CAGE1: variants seen among roughly 807,000 people sequenced by gnomAD.
The protein encoded by CAGE1 is cancer antigen 1, also known as cancer-associated gene 1 protein.
A neutral mutation model predicts 94.9 loss-of-function variants in CAGE1; 66 were observed. The observed-to-expected ratio is 0.70, with a 90% CI of 0.57 to 0.85. CAGE1 has a LOEUF of 0.85. Among genes scored for constraint, CAGE1 ranks in the 40% least tolerant of loss-of-function variants. CAGE1 has a pLI of 0.00. For synonymous variants in CAGE1, 319 were observed against 321.0 expected (o/e 0.99, Z 0.07); for missense variants, 865 against 950.4 (o/e 0.91, Z 1.18).
intron 11 of CAGE1, chr6:7,338,701 A>G: frequency 1.6e-6 from 1 of 626,076 alleles, no homozygotes; most frequent in Admixed American, 2.6e-5. Context: ...TTTATCCCTC[A>G]CCCCCTTCCA....
rs59990182 is a variant in CAGE1 at position 7,353,696 on chromosome 6, T to TACAC, written c.2369+1341_2369+1344dup. On this transcript the variant is annotated intron_variant, in intron 11 of 13. Coordinates refer to ENST00000502583, the MANE Select transcript of CAGE1 (RefSeq NM_001170692.2). ...TAAAGAAACTGTTATTATATATATG[T>TACAC]ACACACACACACACACACACACACA... is the stretch of plus-strand genomic sequence containing the variant. Among the ~76,000 whole-genome samples, 448 of 139,578 alleles carry TACAC rather than the reference T, an allele frequency of 3.2e-3. 1 individual carries two copies. The highest frequency in any genetic ancestry group is 7.1e-3 in the Middle Eastern group (2 of 282). The allele number at this position is 139,578 out of a possible 152,430, so 91.6% of individuals were successfully genotyped here.
chr6:7,353,337 C>T lies in CAGE1; in HGVS notation c.2369+1704G>A, dbSNP rs142470091. 6.0e-3 allele frequency among the ~76,000 whole-genome samples: 907 copies of T among 152,070 alleles called. 31 individuals carry two copies. Among genetic ancestry groups the T allele is most frequent in the Admixed American group, 0.046 (699 of 15,258 alleles). On this transcript the variant is annotated intron_variant, in intron 11 of 13. Coordinates refer to ENST00000502583, the MANE Select transcript of CAGE1 (RefSeq NM_001170692.2). ...AGAAATGCAAATCAAAACTACAATG[C>T]GATACCACCTTACTCCTGCAAGAAT...
intron 11 of CAGE1, chr6:7,341,112 A>G: frequency 1.8e-6 from 1 of 550,746 alleles, no homozygotes; most frequent in Middle Eastern, 3.2e-4. Context: ...TTAGCTTGGC[A>G]GTGATGTACT....
intron 11 of CAGE1, chr6:7,341,572 G>T: frequency 9.1e-7 from 1 of 1,104,398 alleles, no homozygotes; most frequent in Non-Finnish European, 1.4e-6. Context: ...CTCAGGCCTA[G>T]CTTTAAGCAG....
At position 7,389,699 on chromosome 6, in the gene CAGE1, C is replaced by A; in HGVS notation, c.-521G>T. 1 of 490,958 alleles carries A rather than the reference C, an allele frequency of 2.0e-6. No individual in the cohort carries two copies. The highest frequency in any genetic ancestry group is 3.7e-6 in the Non-Finnish European group (1 of 270,058). 30.4% of individuals were successfully genotyped at this position (490,958 alleles called of 1,614,324 possible). A position where few individuals can be genotyped will look rare whatever the true frequency, so the allele number is the denominator to read the frequency against. The stretch of plus-strand genomic sequence containing the variant: ...TACTCAACACGCCTTCCTGAGAGCA[C>A]AGAACATCCACAGCCCTATACAGCG... On this transcript the variant is annotated 5_prime_UTR_variant, in exon 1 of 14. Coordinates refer to ENST00000502583, the MANE Select transcript of CAGE1 (RefSeq NM_001170692.2).
At chr6:7,364,229 C>A (rs965417508) in intron 9 of CAGE1, among the ~76,000 whole-genome samples, 1 of 152,306 alleles carries the variant, frequency 6.6e-6, no homozygotes, top group Middle Eastern at 3.4e-3. Flanking sequence ...TCCTTCATAA[C>A]CTGCACTTAG....
rs780258432 is a variant in CAGE1 at position 7,373,363 on chromosome 6, A to G, written c.1456T>C (p.Ser486Pro). The G allele has an allele frequency of 7.4e-6, 12 of 1,613,522 alleles. No individual in the cohort carries two copies. In the South Asian group the frequency reaches 7.7e-5, roughly 10 times the overall value. ...AGTTTCTGGAATTCCTCCTGTAAAG[A>G]CAAGAACTCTTGTTCTTGGGCCTCT... ...EKEAQEQEFLSLQEEFQKLEK... is the reference protein window; with the variant it reads ...EKEAQEQEFLPLQEEFQKLEK... Residue 486 changes from serine to proline, a missense_variant, in exon 5 of 14, where the codon TCT becomes CCT. Transcript: ENST00000502583.
chr6:7,339,228 G>T lies in CAGE1; in HGVS notation c.2370-5138C>A. The T allele has an allele frequency of 6.3e-7, 1 of 1,575,944 alleles. No homozygotes were observed. The highest frequency in any genetic ancestry group is 8.7e-7 in the Non-Finnish European group (1 of 1,146,858). On this transcript the variant is annotated intron_variant, in intron 11 of 13. Transcript: ENST00000502583. This position sits in a 1 kb window ranked among gnomAD's most constrained non-coding sequence, Gnocchi z 4.7. ...CACACCATAGCAGGCCCTCCGCACAGCAAGCCCTCCTAGGAGTTTGTAAGG... is the reference window on the plus strand; with the variant it reads ...CACACCATAGCAGGCCCTCCGCACATCAAGCCCTCCTAGGAGTTTGTAAGG...
Position 7,373,428 on chromosome 6 carries a change from T to C in CAGE1, c.1391A>G (p.Lys464Arg). 1 of 1,613,702 alleles carries C rather than the reference T, an allele frequency of 6.2e-7. No individual in the cohort carries two copies. Among genetic ancestry groups the C allele is most frequent in the Non-Finnish European group, 8.5e-7 (1 of 1,179,772 alleles). Reference sequence around the variant, plus strand: ...CAAGTCCAAAGCAGAAGCTGTGGCCTTTTCCAGTTCTTTTTTGAGTTGTTG... The same window carrying C: ...CAAGTCCAAAGCAGAAGCTGTGGCCCTTTCCAGTTCTTTTTTGAGTTGTTG... ...RLQQLKKELE[K>R]ATASALDLLK... Residue 464 changes from lysine (K) to arginine (R), a missense_variant, in exon 5 of 14, where the codon AAG becomes AGG. Lys to Arg is a conservative substitution (Grantham distance 26). Transcript: ENST00000502583.
Position 7,385,839 on chromosome 6 carries a change from A to C in CAGE1, c.229T>G (p.Tyr77Asp). ...EIKNFERENEYESTLCEDAYG... is the reference protein window; with the variant it reads ...EIKNFERENEDESTLCEDAYG... ...GCATCTTCACAAAGTGTGGATTCAT[A>C]CTCATTTTCCCTTTCAAAATTCTTT... The change falls in exon 3 of 14, where the codon TAT becomes GAT. Residue 77 changes from tyrosine to aspartate, a missense_variant. Transcript: ENST00000502583. The C allele has an allele frequency of 1.3e-6, 2 of 1,541,660 alleles. No individual in the cohort carries two copies. The highest frequency in any genetic ancestry group is 1.7e-6 in the Non-Finnish European group (2 of 1,143,358).
chr6:7,386,310 A>G (rs530692336), intron 2 of CAGE1, among the ~76,000 whole-genome samples: 51 of 152,204 alleles, frequency 3.4e-4, no homozygotes, highest in Non-Finnish European at 6.3e-4. Flanking sequence ...ATCAGATGTC[A>G]CTGACTATCA....
chr6:7,370,289 A>AC (rs1190844738), intron 5 of CAGE1, among the ~76,000 whole-genome samples: 57 of 152,286 alleles, frequency 3.7e-4, no homozygotes, highest in African/African-American at 1.3e-3. Flanking sequence ...AGCATAAATA[A>AC]CAATTTATTT....
chr6:7,370,501 T>G (rs1760502907), intron 5 of CAGE1, among the ~76,000 whole-genome samples: 1 of 152,170 alleles, frequency 6.6e-6, no homozygotes, highest in Non-Finnish European at 1.5e-5. Flanking sequence ...CTCACCATGT[T>G]GCCCAGGCTG....
rs1172266419 is a variant in CAGE1, at chr6:7,374,277, A to T, written c.688-146T>A. 4.6e-6 allele frequency: 3 copies of T among 648,592 alleles called. No homozygotes were observed. The East Asian group carries it at 8.0e-5, about 17-fold the overall frequency. The allele number at this position is 648,592 out of a possible 1,614,324, so 40.2% of individuals were successfully genotyped here. A position where few individuals can be genotyped will look rare whatever the true frequency, so the allele number is the denominator to read the frequency against. On this transcript the variant is annotated intron_variant, in intron 4 of 13. Transcript: ENST00000502583. The stretch of plus-strand genomic sequence containing the variant: ...AGTAACAATAGTATCTACTTCCAAT[A>T]ATAATGCCTATTAACAAAAGTTAAT...
At position 7,386,969 on chromosome 6, in the gene CAGE1, CA is replaced by C. The variant is rs774774028; in HGVS notation, c.195+9del. The C allele has an allele frequency of 6.5e-7, 1 of 1,531,236 alleles. No individual in the cohort carries two copies. Among genetic ancestry groups the C allele is most frequent in the South Asian group, 1.2e-5 (1 of 83,498 alleles). 94.9% of individuals were successfully genotyped at this position (1,531,236 alleles called of 1,614,324 possible). On this transcript the variant is annotated intron_variant, in intron 2 of 13. Transcript: ENST00000502583. ...ATCTGAGCCTCCTGGAACTTATAAG[CA>C]ATGCACACCTGAGGCAAGTCACAAG... is the stretch of plus-strand genomic sequence containing the variant.
chr6:7,357,461 A>G (rs779661622), intron 9 of CAGE1, among the ~76,000 whole-genome samples: 1 of 152,156 alleles, frequency 6.6e-6, no homozygotes, highest in Non-Finnish European at 1.5e-5. Context: ...CTTTTTCATT[A>G]TAGATTTCAT....
intron 11 of CAGE1, 21 bp downstream of exon 11, chr6:7,355,020 G>T: frequency 6.4e-7 from 1 of 1,559,852 alleles, no homozygotes; most frequent in Non-Finnish European, 8.8e-7. Context: ...ACAAAATTAA[G>T]GATTCGTTTT....
chr6:7,333,630 CTATCTAACTATCTATATATA>C (rs1280131611), intron 12 of CAGE1, among the ~76,000 whole-genome samples: 1 of 64,488 alleles, frequency 1.6e-5, no homozygotes, highest in African/African-American at 8.7e-5. Context: ...ATCTAACTAT[CTATCTAACTATCTATATATA>C]TATATATATA....
intron 12 of CAGE1, among the ~76,000 whole-genome samples, chr6:7,332,318 C>G (rs1758784933): frequency 6.6e-6 from 1 of 152,166 alleles, no homozygotes; most frequent in Non-Finnish European, 1.5e-5. Context: ...CTCTGTCCTG[C>G]AGTTCCCAGG....
Sources: gnomAD v4.1 joint callset for allele counts (sites outside exome capture counted in the v4.1 genomes callset) on GRCh38, gnomAD v4.1.1 for gene constraint, Gnocchi (gnomAD v3.1) non-coding constraint, MANE v1.5 for transcripts, NCBI Gene and HGNC (gene_info 2026-07-23, HGNC 2026-07-21) for gene names.